DNM3: variants seen among roughly 807,000 people sequenced by gnomAD.
The protein encoded by DNM3 is dynamin-3.
Under a neutral mutation model 101.6 loss-of-function variants are expected in DNM3, and 47 were observed. The ratio of observed to expected loss-of-function variants is 0.46; its 90% confidence interval spans 0.37 to 0.59. DNM3 has a LOEUF of 0.59. Ranked by LOEUF, DNM3 falls within the 20% of genes least tolerant of loss-of-function variation. The pLI is 0.00. For synonymous variants in DNM3, 385 were observed against 387.9 expected, an observed-to-expected ratio of 0.99 and a Z score of 0.09; for missense variants, 849 against 1,085.7, an observed-to-expected ratio of 0.78 and a Z score of 3.06.
chr1:172,237,280 A>G (rs1364363283), intron 14 of DNM3, among the ~76,000 whole-genome samples: 1 of 151,948 alleles, frequency 6.6e-6, no homozygotes, highest in Non-Finnish European at 1.5e-5. Context: ...GAACTTAAGG[A>G]TTGAGGTTAG....
chr1:172,140,045 A>G (rs573139734), intron 14 of DNM3: 1 of 152,194 alleles, frequency 6.6e-6, no homozygotes, highest in Middle Eastern at 3.4e-3. Flanking sequence ...ATAATTAGAC[A>G]TTTTCTCAAA....
At chr1:171,896,824 A>T (rs1036211653) in intron 1 of DNM3, among the ~76,000 whole-genome samples, 5 of 152,284 alleles carry the variant, frequency 3.3e-5, no homozygotes, top group African/African-American at 1.2e-4. Context: ...AGTAGATACT[A>T]ATTCGAATAT....
chr1:172,344,658 C>G (rs1347348732), intron 17 of DNM3, among the ~76,000 whole-genome samples: 1 of 152,154 alleles, frequency 6.6e-6, no homozygotes. Context: ...GATTTGGAGC[C>G]GAACTGATGG....
chr1:172,140,062 T>G (rs746034927), intron 14 of DNM3: 2 of 152,068 alleles, frequency 1.3e-5, no homozygotes, highest in Non-Finnish European at 2.9e-5. Context: ...CAAAGAACTT[T>G]AAGAAAAACA....
intron 14 of DNM3, among the ~76,000 whole-genome samples, chr1:172,238,110 T>C (rs12065132): frequency 0.013 from 1,919 of 152,290 alleles, 39 homozygotes; most frequent in African/African-American, 0.043. Flanking sequence ...GCACTAAAAT[T>C]GAATGGTGGT....
intron 4 of DNM3, 95 bp from the exon 5 acceptor site, chr1:172,032,307 G>A (rs2048666009): frequency 1.1e-6 from 1 of 914,662 alleles, no homozygotes; most frequent in Non-Finnish European, 1.8e-6. Context: ...AAAAGGACCA[G>A]GAAAATGTGC....
intron 18 of DNM3, among the ~76,000 whole-genome samples, chr1:172,380,341 T>C (rs546919808): frequency 1.1e-4 from 17 of 152,206 alleles, no homozygotes; most frequent in African/African-American, 4.1e-4. Context: ...ATGGTTAATT[T>C]CAAAATTTTA....
At chr1:172,264,038 G>C (rs1040817264) in intron 15 of DNM3, among the ~76,000 whole-genome samples, 3 of 152,188 alleles carry the variant, frequency 2.0e-5, no homozygotes, top group Non-Finnish European at 4.4e-5. Context: ...TGAAGTGTCA[G>C]AATAGCAGAC....
intron 14 of DNM3, among the ~76,000 whole-genome samples, chr1:172,219,277 G>A (rs1272591417): frequency 4.7e-5 from 7 of 149,262 alleles, no homozygotes; most frequent in East Asian, 2.0e-4. Flanking sequence ...TGAGAAGATC[G>A]CTTGAACCCC....
intron 14 of DNM3, among the ~76,000 whole-genome samples, chr1:172,221,050 C>T (rs1377407787): frequency 6.6e-6 from 1 of 152,050 alleles, no homozygotes; most frequent in African/African-American, 2.4e-5. Flanking sequence ...TCATCAATCC[C>T]TCTTCCCTTC....
chr1:172,009,608 CA>C (rs376859424), intron 4 of DNM3, among the ~76,000 whole-genome samples: 61 of 151,888 alleles, frequency 4.0e-4, no homozygotes, highest in African/African-American at 1.4e-3. Flanking sequence ...AAAGTCAATA[CA>C]GTACATTTCC....
In DNM3 at chr1:172,313,159, G is replaced by A. The variant is rs115495709; in HGVS notation, c.1881+4320G>A. 4.8e-3 allele frequency among the ~76,000 whole-genome samples: 733 copies of A among 152,238 alleles called. 4 individuals are homozygous for A. Among genetic ancestry groups the A allele is most frequent in the African/African-American group, 0.017 (692 of 41,552 alleles). ...TTCTATTTTCTATGGTCACTAAATT[G>A]AAATTACAACCATTGTAAAATTTGA... On this transcript the variant is annotated intron_variant, in intron 16 of 20. Coordinates refer to ENST00000627582, the MANE Select transcript of DNM3 (RefSeq NM_015569.5).
At position 172,285,266 on chromosome 1, in the gene DNM3, C is replaced by T. The variant is rs564867072; in HGVS notation, c.1770-23462C>T. ...GTTCACCTGAAACAGCCTCCCCAAA[C>T]GAATCACTCTATAGCCAAGCCTCAT... On this transcript the variant is annotated intron_variant, in intron 15 of 20. Coordinates refer to ENST00000627582, the MANE Select transcript of DNM3 (RefSeq NM_015569.5). Among the ~76,000 whole-genome samples, 18 of 152,252 alleles carry T rather than the reference C, an allele frequency of 1.2e-4. 1 individual carries two copies. In the South Asian group the frequency reaches 3.5e-3, roughly 30 times the overall value.
chr1:171,942,303 G>C (rs546166728), intron 2 of DNM3, among the ~76,000 whole-genome samples: 16 of 147,738 alleles, frequency 1.1e-4, no homozygotes, highest in African/African-American at 4.0e-4. Context: ...CTGGCACAGA[G>C]TTAAGCCTAT....
At chr1:172,177,817 T>C (rs1487499513) in intron 14 of DNM3, among the ~76,000 whole-genome samples, 2 of 151,916 alleles carry the variant, frequency 1.3e-5, no homozygotes, top group Admixed American at 6.6e-5. Context: ...AATGTCTCCA[T>C]TGGATCTTCC....
At chr1:172,049,838 TTA>T (rs2050081326) in intron 10 of DNM3, among the ~76,000 whole-genome samples, 2 of 152,092 alleles carry the variant, frequency 1.3e-5, no homozygotes, top group African/African-American at 4.8e-5. Context: ...TAGTTCCCAG[TTA>T]CCTGACAGAA....
At chr1:172,177,927 G>T (rs1327809570) in intron 14 of DNM3, among the ~76,000 whole-genome samples, 1 of 151,730 alleles carries the variant, frequency 6.6e-6, no homozygotes, top group Non-Finnish European at 1.5e-5. Context: ...GTCATACATT[G>T]CTTAACGATA....
At chr1:171,911,333 T>G (rs1198544891) in intron 1 of DNM3, among the ~76,000 whole-genome samples, 3 of 140,956 alleles carry the variant, frequency 2.1e-5, no homozygotes, top group Non-Finnish European at 3.0e-5. Flanking sequence ...CAGGCTGGAG[T>G]GCAGTGGTGC....
intron 1 of DNM3, among the ~76,000 whole-genome samples, chr1:171,875,813 C>CTTTTTTTTTTTTTTTTTTT (rs60523795): frequency 3.8e-5 from 4 of 104,676 alleles, no homozygotes; most frequent in Admixed American, 1.0e-4. Context: ...AGTTGTCTCT[C>CTTTTTTTTTTTTTTTTTTT]TTTTTTTTTT....
Sources: allele counts gnomAD v4.1 joint callset (sites outside exome capture counted in the v4.1 genomes callset), GRCh38; gene constraint gnomAD v4.1.1; transcripts MANE v1.5; gene names NCBI Gene and HGNC (gene_info 2026-07-23, HGNC 2026-07-21).